PPTC7: variants seen among roughly 807,000 people sequenced by gnomAD.
The protein encoded by PPTC7 is protein phosphatase PTC7 homolog.
PPTC7 carries 6 observed loss-of-function variants against 30.8 expected under a neutral mutation model. That is an observed-to-expected ratio of 0.19 (90% confidence interval 0.11 to 0.38). The LOEUF is 0.38. PPTC7 is among the 10% of genes least tolerant of loss of function. PPTC7 has a pLI of 1.00. For synonymous variants in PPTC7, 163 were observed against 168.1 expected, an observed-to-expected ratio of 0.97 and a Z score of 0.23; for missense variants, 218 against 404.8, an observed-to-expected ratio of 0.54 and a Z score of 3.96.
intron 2 of PPTC7, among the ~76,000 whole-genome samples, chr12:110,551,511 TA>T (rs556647552): frequency 4.6e-4 from 70 of 152,282 alleles, no homozygotes; most frequent in Non-Finnish European, 8.5e-4. Context: ...CATGCCTGGC[TA>T]ATTTTTGTAT....
intron 1 of PPTC7, among the ~76,000 whole-genome samples, chr12:110,553,021 A>G (rs2064360334): frequency 6.6e-6 from 1 of 152,030 alleles, no homozygotes; most frequent in African/African-American, 2.4e-5. Flanking sequence ...GTTTCTACTA[A>G]AAATACAAAA....
intron 1 of PPTC7, among the ~76,000 whole-genome samples, chr12:110,555,332 T>TA (rs1271956449): frequency 1.3e-5 from 2 of 152,098 alleles, no homozygotes; most frequent in African/African-American, 4.8e-5. Flanking sequence ...ATTAAAGTAA[T>TA]AAAAACTCTG....
At chr12:110,577,474 T>C (rs1179121928) in intron 1 of PPTC7, among the ~76,000 whole-genome samples, 1 of 152,122 alleles carries the variant, frequency 6.6e-6, no homozygotes, top group African/African-American at 2.4e-5. Flanking sequence ...ACTTTCAGAA[T>C]AGAGGTTCTA....
At chr12:110,545,786 G>A in intron 3 of PPTC7, 94 bp downstream of exon 3, 2 of 1,103,802 alleles carry the variant, frequency 1.8e-6, no homozygotes, top group Admixed American at 1.8e-5. Context: ...TTCTTTTCAT[G>A]GAAATGCCTA....
At chr12:110,577,203 T>C (rs2135797352) in intron 1 of PPTC7, among the ~76,000 whole-genome samples, 1 of 146,066 alleles carries the variant, frequency 6.8e-6, no homozygotes, top group Non-Finnish European at 1.5e-5. Flanking sequence ...CTCAGGGTCA[T>C]ATTTGCTATC....
intron 1 of PPTC7, among the ~76,000 whole-genome samples, chr12:110,559,237 C>T (rs2064416807): frequency 6.6e-6 from 1 of 151,478 alleles, no homozygotes; most frequent in Non-Finnish European, 1.5e-5. Context: ...ATTATGTTGC[C>T]CAGGCTGGTC....
At chr12:110,552,724 C>T (rs1565920293) in intron 1 of PPTC7, among the ~76,000 whole-genome samples, 1 of 151,920 alleles carries the variant, frequency 6.6e-6, no homozygotes, top group African/African-American at 2.4e-5. Context: ...ATTAGCCAGG[C>T]GTGGTGGCAG....
intron 2 of PPTC7, among the ~76,000 whole-genome samples, chr12:110,551,424 C>T (rs2064348894): frequency 6.6e-6 from 1 of 152,218 alleles, no homozygotes; most frequent in Non-Finnish European, 1.5e-5. Context: ...CGGCACACCG[C>T]AACATCCACC....
At chr12:110,580,639 C>G (rs180682862) in intron 1 of PPTC7, among the ~76,000 whole-genome samples, 13 of 152,276 alleles carry the variant, frequency 8.5e-5, no homozygotes, top group Admixed American at 2.0e-4. Context: ...CACGCCCGGT[C>G]TAGCCTTCCA....
rs2064195703 is a variant in PPTC7 at position 110,533,914 on chromosome 12, C to A, written c.*3123G>T. 1 of 152,182 alleles carries A rather than the reference C, an allele frequency of 6.6e-6. No individual in the cohort carries two copies. Among genetic ancestry groups the A allele is most frequent in the Non-Finnish European group, 1.5e-5 (1 of 68,044 alleles). 9.4% of individuals were successfully genotyped at this position (152,182 alleles called of 1,614,324 possible). ...CAGCTGATAGAGGAGAGGACGCTCT[C>A]CCATCATGCAAAGCTTGAAACCCAG... On this transcript the variant is annotated 3_prime_UTR_variant, in exon 6 of 6. Transcript: ENST00000354300.
At chr12:110,581,714 G>T (rs1235369487) in intron 1 of PPTC7, among the ~76,000 whole-genome samples, 1 of 152,174 alleles carries the variant, frequency 6.6e-6, no homozygotes, top group Non-Finnish European at 1.5e-5. Flanking sequence ...CAATTATTCT[G>T]AGATCAGATT....
intron 1 of PPTC7, among the ~76,000 whole-genome samples, chr12:110,560,357 C>T (rs1360241922): frequency 5.3e-5 from 8 of 151,540 alleles, no homozygotes; most frequent in Middle Eastern, 3.4e-3. Flanking sequence ...GCTGTGATCA[C>T]ACTACTTGCA....
At chr12:110,576,517 T>C (rs1321213461) in intron 1 of PPTC7, among the ~76,000 whole-genome samples, 1 of 152,186 alleles carries the variant, frequency 6.6e-6, no homozygotes, top group East Asian at 1.9e-4. Flanking sequence ...GGTATATAAA[T>C]ATAATGGAAC....
intron 1 of PPTC7, among the ~76,000 whole-genome samples, chr12:110,559,898 A>G (rs1355233317): frequency 2.6e-5 from 4 of 151,852 alleles, no homozygotes; most frequent in Non-Finnish European, 5.9e-5. Context: ...ATACCCAGCT[A>G]TTTATTTTTT....
chr12:110,572,509 T>C (rs2064545792), intron 1 of PPTC7, among the ~76,000 whole-genome samples: 1 of 152,144 alleles, frequency 6.6e-6, no homozygotes, highest in Admixed American at 6.5e-5. Context: ...TAAATTCCCT[T>C]TCTCTTCAAA....
chr12:110,537,188 G>A, intron 5 of PPTC7, 93 bp from the exon 6 acceptor site: 1 of 974,000 alleles, frequency 1.0e-6, no homozygotes. Flanking sequence ...ACAAATGCTT[G>A]CATTCCAGGC....
rs141310159 is a variant in PPTC7 at position 110,551,076 on chromosome 12, C to T, written c.403+713G>A. Among the ~76,000 whole-genome samples the T allele has an allele frequency of 1.2e-4, 19 of 152,194 alleles. No individual in the cohort carries two copies. In the East Asian group the frequency reaches 3.1e-3, roughly 25 times the overall value. ...CTGAGTAGAACATGCAGCTTTAAGT[C>T]GTTTCTTTTCACAATGCATTTTTCT... On this transcript the variant is annotated intron_variant, in intron 2 of 5. Transcript: ENST00000354300.
intron 1 of PPTC7, among the ~76,000 whole-genome samples, chr12:110,578,925 G>A (rs916294223): frequency 3.3e-5 from 5 of 152,216 alleles, no homozygotes; most frequent in South Asian, 2.1e-4. Context: ...GCAGGTGGAT[G>A]ACATGAGGTC....
At position 110,583,234 on chromosome 12, in the gene PPTC7, G is replaced by C. The variant is rs1347263949; in HGVS notation, c.-203C>G. 5.2e-6 allele frequency: 1 copy of C among 193,994 alleles called. No individual in the cohort carries two copies. The highest frequency in any genetic ancestry group is 1.0e-5 in the Non-Finnish European group (1 of 98,938). 12.0% of individuals were successfully genotyped at this position (193,994 alleles called of 1,614,324 possible). ...GCGCACCGGAGCCAGAGCGAGGTCA[G>C]AAGCGGCGGCTCCTCCGCCTCAGCC... On this transcript the variant is annotated 5_prime_UTR_variant, in exon 1 of 6. Coordinates refer to ENST00000354300, the MANE Select transcript of PPTC7 (RefSeq NM_139283.2).
Sources: allele counts gnomAD v4.1 joint callset (sites outside exome capture counted in the v4.1 genomes callset), GRCh38; gene constraint gnomAD v4.1.1; transcripts MANE v1.5; gene names NCBI Gene and HGNC (gene_info 2026-07-23, HGNC 2026-07-21).